Variants in PCDH15 observed in about 807,000 individuals in gnomAD.
PCDH15 encodes the protein protocadherin related 15.
PCDH15 carries 129 observed loss-of-function variants against 178.5 expected under a neutral mutation model. That is an observed-to-expected ratio of 0.72 (90% CI 0.63 to 0.84). PCDH15 has a LOEUF of 0.84. Among genes scored for constraint, PCDH15 ranks in the 40% least tolerant of loss-of-function variants. The pLI, the probability that PCDH15 is intolerant of heterozygous loss-of-function variation, is 0.00. For missense variants in PCDH15, 2,230 were observed against 2,099.9 expected (o/e 1.06, Z -1.21); for synonymous variants, 800 against 732.0 (o/e 1.09, Z -1.50).
chr10:55,269,062 A>C (rs1842372642), intron 1 of PCDH15, among the ~76,000 whole-genome samples: 1 of 152,134 alleles, frequency 6.6e-6, no homozygotes, highest in Admixed American at 6.6e-5. Flanking sequence ...GATTCAGAAA[A>C]AGCTTTCAAC....
At chr10:54,064,234 G>A (rs1388281218) in intron 18 of PCDH15, among the ~76,000 whole-genome samples, 2 of 152,192 alleles carry the variant, frequency 1.3e-5, no homozygotes, top group African/African-American at 2.4e-5. Flanking sequence ...GGTGGTCCCA[G>A]GAGACACGAA....
chr10:55,088,134 T>C (rs930654929), intron 2 of PCDH15, among the ~76,000 whole-genome samples: 1 of 152,138 alleles, frequency 6.6e-6, no homozygotes, highest in African/African-American at 2.4e-5. Flanking sequence ...TCTTGAATTA[T>C]CTATGTCTAT....
At chr10:53,972,308 G>C (rs1010289129) in intron 21 of PCDH15, among the ~76,000 whole-genome samples, 10 of 142,400 alleles carry the variant, frequency 7.0e-5, no homozygotes, top group Non-Finnish European at 1.6e-4. Flanking sequence ...TAAAGACTTA[G>C]ATGTTAGACC....
chr10:54,652,851 C>T (rs1054287869), intron 2 of PCDH15, among the ~76,000 whole-genome samples: 3 of 152,058 alleles, frequency 2.0e-5, no homozygotes, highest in African/African-American at 7.2e-5. Context: ...TTACGGCATT[C>T]CTAGTAAAAG....
chr10:54,104,905 G>T (rs2094883676), intron 15 of PCDH15, among the ~76,000 whole-genome samples: 1 of 143,946 alleles, frequency 6.9e-6, no homozygotes, highest in African/African-American at 2.6e-5. Flanking sequence ...TCATCACTTT[G>T]TCCAGTAAAC....
chr10:55,001,643 C>T (rs1270932512), intron 2 of PCDH15, among the ~76,000 whole-genome samples: 2 of 152,126 alleles, frequency 1.3e-5, no homozygotes, highest in African/African-American at 4.8e-5. Flanking sequence ...GTGGTAAGAC[C>T]TCATGCTCAC....
chr10:54,745,024 G>A (rs978696640), intron 1 of PCDH15, among the ~76,000 whole-genome samples: 1 of 151,976 alleles, frequency 6.6e-6, no homozygotes, highest in African/African-American at 2.4e-5. Flanking sequence ...TATATTTCAT[G>A]CGTAACATAT....
At chr10:54,310,971 T>A (rs2060867208) in intron 8 of PCDH15, among the ~76,000 whole-genome samples, 1 of 152,048 alleles carries the variant, frequency 6.6e-6, no homozygotes, top group African/African-American at 2.4e-5. Context: ...CAAGAAGAAA[T>A]GATAAGTGTT....
chr10:53,963,074 C>T (rs2088539861), intron 21 of PCDH15, among the ~76,000 whole-genome samples: 1 of 152,122 alleles, frequency 6.6e-6, no homozygotes, highest in Non-Finnish European at 1.5e-5. Context: ...AACATTACCC[C>T]CCACAGGGTG....
intron 1 of PCDH15, among the ~76,000 whole-genome samples, chr10:55,230,039 G>A (rs1841165507): frequency 6.6e-6 from 1 of 151,972 alleles, no homozygotes; most frequent in Non-Finnish European, 1.5e-5. Context: ...TTTATGAAAA[G>A]CACTTATAAC....
chr10:54,924,847 CT>C (rs1299163989), intron 2 of PCDH15, among the ~76,000 whole-genome samples: 1 of 151,866 alleles, frequency 6.6e-6, no homozygotes, highest in Admixed American at 6.6e-5. Flanking sequence ...GATATTAGAC[CT>C]TTTTCAAGTG....
At chr10:54,574,004 T>G (rs1481773043) in intron 2 of PCDH15, among the ~76,000 whole-genome samples, 1 of 152,234 alleles carries the variant, frequency 6.6e-6, no homozygotes, top group Non-Finnish European at 1.5e-5. Flanking sequence ...TAGTTTCTTT[T>G]GCTTTGCAGA....
At chr10:54,289,791 G>C (rs974702218) in intron 8 of PCDH15, among the ~76,000 whole-genome samples, 5 of 152,140 alleles carry the variant, frequency 3.3e-5, no homozygotes, top group African/African-American at 1.2e-4. Flanking sequence ...GAAAGAAAGG[G>C]TATCAGTGAT....
intron 2 of PCDH15, among the ~76,000 whole-genome samples, chr10:55,362,655 T>TGTGTGTGCACATGC (rs1324500520): frequency 6.6e-6 from 1 of 152,156 alleles, no homozygotes; most frequent in African/African-American, 2.4e-5. Flanking sequence ...TGTGTGTGTG[T>TGTGTGTGCACATGC]GTGTGTGCAC....
intron 3 of PCDH15, among the ~76,000 whole-genome samples, chr10:54,477,666 G>T (rs868745313): frequency 2.0e-5 from 3 of 152,108 alleles, no homozygotes; most frequent in Non-Finnish European, 2.9e-5. Flanking sequence ...ATGCAATCTT[G>T]GCTCACTGCA....
intron 1 of PCDH15, among the ~76,000 whole-genome samples, chr10:54,720,459 A>G (rs549765251): frequency 4.6e-5 from 7 of 152,054 alleles, no homozygotes; most frequent in African/African-American, 1.7e-4. Flanking sequence ...CTAACAAAAG[A>G]CTTTTCAGCA....
chr10:54,418,727 G>T (rs1407873081), intron 3 of PCDH15, among the ~76,000 whole-genome samples: 6 of 151,734 alleles, frequency 4.0e-5, no homozygotes, highest in Non-Finnish European at 7.4e-5. Flanking sequence ...ATAATAATTT[G>T]GGGGTGAGAA....
intron 2 of PCDH15, among the ~76,000 whole-genome samples, chr10:54,998,047 A>G (rs1839689579): frequency 1.3e-5 from 2 of 152,160 alleles, no homozygotes; most frequent in Admixed American, 1.3e-4. Flanking sequence ...TACTTAGAAT[A>G]AGAATTCTAG....
chr10:53,873,189 C>G (rs548000346), intron 26 of PCDH15, among the ~76,000 whole-genome samples: 10 of 152,160 alleles, frequency 6.6e-5, no homozygotes, highest in African/African-American at 2.4e-4. Flanking sequence ...ATCTGTAATT[C>G]CTTACTTTAC....
Sources: gnomAD v4.1 joint callset for allele counts (sites outside exome capture counted in the v4.1 genomes callset) on GRCh38, gnomAD v4.1.1 for gene constraint, MANE v1.5 for transcripts, NCBI Gene and HGNC (gene_info 2026-07-23, HGNC 2026-07-21) for gene names.